IMP4: variants seen among roughly 807,000 people sequenced by gnomAD.
IMP4 encodes U3 small nucleolar ribonucleoprotein IMP4.
IMP4 carries 30 observed loss-of-function variants against 42.7 expected under a neutral mutation model. The ratio of observed to expected loss-of-function variants is 0.70; its 90% CI spans 0.53 to 0.95. The LOEUF is 0.95. IMP4 is among the 40% of genes least tolerant of loss of function. The pLI, the probability that IMP4 is intolerant of heterozygous loss-of-function variation, is 0.00. For synonymous variants in IMP4, 165 were observed against 165.2 expected (o/e 1.00, Z 0.01); for missense variants, 382 against 411.4 (o/e 0.93, Z 0.62).
intron 2 of IMP4, among the ~76,000 whole-genome samples, chr2:130,344,221 G>A (rs924694751): frequency 1.8e-4 from 27 of 151,896 alleles, no homozygotes; most frequent in African/African-American, 6.0e-4. Flanking sequence ...CCAGCTACTC[G>A]CCAGCCTGAG....
intron 2 of IMP4, among the ~76,000 whole-genome samples, chr2:130,343,861 C>T (rs1169320153): frequency 1.3e-5 from 2 of 152,226 alleles, no homozygotes; most frequent in Admixed American, 6.5e-5. Context: ...GTGCTGGCCC[C>T]GAGTGCGCAC....
chr2:130,344,834 C>T, intron 3 of IMP4, 122 bp downstream of exon 3: 1 of 720,776 alleles, frequency 1.4e-6, no homozygotes. Context: ...ATGCCCTTGT[C>T]ACTGCACAGA....
chr2:130,343,738 CA>C (rs1228648066), intron 2 of IMP4, among the ~76,000 whole-genome samples: 1,235 of 81,146 alleles, frequency 0.015, 6 homozygotes, highest in African/African-American at 0.036. Flanking sequence ...GACTCCGTCT[CA>C]AAAAAAAAAA....
chr2:130,345,725 G>A lies in IMP4; in HGVS notation c.439+26G>A, dbSNP rs369285648. 8.4e-5 allele frequency: 135 copies of A among 1,612,616 alleles called. 1 individual carries two copies. The highest frequency in any genetic ancestry group is 1.6e-4 in the Middle Eastern group (1 of 6,082). On this transcript the variant is annotated intron_variant, in intron 5 of 8. Transcript: ENST00000259239. This position sits in a 1 kb window ranked among gnomAD's most constrained non-coding sequence, Gnocchi z 4.9. ...GTAAGGCCGGAGGGAGGGAGTCGGG[G>A]TGGGAGCCGTCTGAGGGCAGACGGG...
At chr2:130,344,795 A>G in intron 3 of IMP4, 83 bp downstream of exon 3, 1 of 916,610 alleles carries the variant, frequency 1.1e-6, no homozygotes, top group Non-Finnish European at 1.8e-6. Flanking sequence ...CCATCCCATC[A>G]GAGGAAACTG....
Position 130,345,419 on chromosome 2 carries a change from CGAG to C in IMP4, c.243_245del (p.Glu81del). On this transcript the variant is annotated inframe_deletion, in exon 4 of 9. Transcript: ENST00000259239. This position sits in a 1 kb window ranked among gnomAD's most constrained non-coding sequence, Gnocchi z 4.9. ...ATGATGAATACCGATGGGCAGGAGT[CGAG>C]GATCCCAAGGTTATGATCACTACCT... 6.2e-7 allele frequency: 1 copy of C among 1,614,038 alleles called. No homozygotes were observed.
chr2:130,344,365 G>C (rs1006559856), intron 2 of IMP4, among the ~76,000 whole-genome samples: 5 of 152,072 alleles, frequency 3.3e-5, no homozygotes, highest in Non-Finnish European at 4.4e-5. Flanking sequence ...ATTTCTACCT[G>C]ATTATAAAAG....
At chr2:130,343,388 T>G in intron 2 of IMP4, 194 bp downstream of exon 2, 1 of 713,476 alleles carries the variant, frequency 1.4e-6, no homozygotes, top group Non-Finnish European at 2.6e-6. Flanking sequence ...ACCCGGGTTT[T>G]GCAGCTTGCC....
rs1679164472 is a variant in IMP4 at position 130,343,127 on chromosome 2, C to G, written c.45C>G (p.Arg15=). 6.4e-7 allele frequency: 1 copy of G among 1,554,998 alleles called. No individual in the cohort carries two copies. Among genetic ancestry groups the G allele is most frequent in the Non-Finnish European group, 8.7e-7 (1 of 1,148,348 alleles). Residue 15 remains arginine, a synonymous_variant, in exon 2 of 9, where the codon CGC becomes CGG. Transcript: ENST00000259239. ...GCCTGCGCCGCGAGTACCTGTACCG[C>G]AAGGCCCGGGAGGAGGCGCAGCGCT... ...EARLRREYLY[R]KAREEAQRSA... is the part of the protein sequence containing the mutation.
In IMP4 at chr2:130,346,030, C is replaced by T. The variant is rs1454856562; in HGVS notation, c.607C>T (p.Leu203Phe). The T allele has an allele frequency of 7.4e-6, 12 of 1,614,216 alleles. No individual in the cohort carries two copies. The highest frequency in any genetic ancestry group is 1.0e-5 in the Non-Finnish European group (12 of 1,180,024). The change falls in exon 7 of 9, where the codon CTC (leucine) becomes TTC (phenylalanine). Residue 203 changes from leucine to phenylalanine, a missense_variant. By Grantham distance (22) the Leu-to-Phe change is conservative. Transcript: ENST00000259239. ...CCTTGTGCCCCAGGTCTCTGACATC[C>T]TCCGATACCTATTTCCCGTGCCCAA... ...SRLGKRVSDI[L>F]RYLFPVPKDD...
At position 130,346,754 on chromosome 2, in the gene IMP4, T is replaced by G. The variant is rs145790801; in HGVS notation, c.*286T>G. The stretch of plus-strand genomic sequence containing the variant: ...GTGTGGGGGTTAACAGAGAGAGAGA[T>G]TTGATGCTAACGTCCCCTCAAGAGT... On this transcript the variant is annotated 3_prime_UTR_variant, in exon 9 of 9. Coordinates refer to ENST00000259239, the MANE Select transcript of IMP4 (RefSeq NM_033416.3). The G allele has an allele frequency of 2.6e-5, 13 of 494,038 alleles. No individual in the cohort carries two copies. The East Asian group carries it at 4.4e-4, about 17-fold the overall frequency. 30.6% of individuals were successfully genotyped at this position (494,038 alleles called of 1,614,324 possible). A position where few individuals can be genotyped will look rare whatever the true frequency, so the allele number is the denominator to read the frequency against.
chr2:130,345,974 C>T lies in IMP4; in HGVS notation c.594+41C>T. The T allele has an allele frequency of 1.2e-6, 2 of 1,614,162 alleles. No homozygotes were observed. The highest frequency in any genetic ancestry group is 1.7e-6 in the Non-Finnish European group (2 of 1,179,996). On this transcript the variant is annotated intron_variant, in intron 6 of 8. Coordinates refer to ENST00000259239, the MANE Select transcript of IMP4 (RefSeq NM_033416.3). This position sits in a 1 kb window ranked among gnomAD's most constrained non-coding sequence, Gnocchi z 4.9. Reference sequence around the variant, plus strand: ...TTCAGGCTGGGGCTGCGGGCCAGGCCAGGCATTTGCCACTCTGTTTCCCTC... The same window carrying T: ...TTCAGGCTGGGGCTGCGGGCCAGGCTAGGCATTTGCCACTCTGTTTCCCTC...
Position 130,346,127 on chromosome 2 carries a change from C to T in IMP4, c.689+15C>T. 1 of 1,613,354 alleles carries T rather than the reference C, an allele frequency of 6.2e-7. No homozygotes were observed. Among genetic ancestry groups the T allele is most frequent in the Non-Finnish European group, 8.5e-7 (1 of 1,179,266 alleles). ...ATATCATTCCGGTGGGTCCACGGGC[C>T]ATGCCCCAGGAAAGCATCCCCACCC... On this transcript the variant is annotated intron_variant, in intron 7 of 8. Transcript: ENST00000259239.
At position 130,342,911 on chromosome 2, in the gene IMP4, C is replaced by G; in HGVS notation, c.-22C>G. 1.2e-6 allele frequency: 2 copies of G among 1,614,020 alleles called. No homozygotes were observed. Among genetic ancestry groups the G allele is most frequent in the Non-Finnish European group, 1.7e-6 (2 of 1,179,876 alleles). On this transcript the variant is annotated 5_prime_UTR_variant, in exon 1 of 9. Coordinates refer to ENST00000259239, the MANE Select transcript of IMP4 (RefSeq NM_033416.3). The stretch of plus-strand genomic sequence containing the variant: ...GAGGAGCCCACAGATTCTCCCGGAC[C>G]CACGTGGAAGCGGCACTCAAGATGG...
chr2:130,345,863 A>G lies in IMP4; in HGVS notation c.524A>G (p.Asp175Gly), dbSNP rs1573842849. The change falls in exon 6 of 9, where the codon GAC (aspartate) becomes GGC (glycine). Residue 175 changes from aspartate (D) to glycine (G), a missense_variant. Transcript: ENST00000259239. The surrounding 1 kb of genome is among the most constrained non-coding windows in gnomAD (Gnocchi z 4.9). ...CNVVMRHDIPDLGTMSEAKPH... is the reference protein window; with the variant it reads ...CNVVMRHDIPGLGTMSEAKPH... ...GTGGTCATGCGGCATGACATCCCAG[A>G]CCTGGGCACCATGTCGGAGGCCAAG... 1.9e-6 allele frequency: 3 copies of G among 1,614,086 alleles called. No homozygotes were observed. The South Asian group carries it at 3.3e-5, about 18-fold the overall frequency.
At chr2:130,343,482 A>G (rs1463869857) in intron 2 of IMP4, 3 of 563,624 alleles carry the variant, frequency 5.3e-6, no homozygotes, top group Non-Finnish European at 1.0e-5. Context: ...GCGGTGGCTC[A>G]CTGCTGTAAT....
Position 130,343,158 on chromosome 2 carries a change from C to G in IMP4, c.76C>G (p.Gln26Glu). ...CCGGGAGGAGGCGCAGCGCTCAGCCCAGGAGAGGAAGGAGCGGCTGCGGCG... is the reference window on the plus strand; with the variant it reads ...CCGGGAGGAGGCGCAGCGCTCAGCCGAGGAGAGGAAGGAGCGGCTGCGGCG... ...KAREEAQRSA[Q>E]ERKERLRRAL... is the part of the protein sequence containing the mutation. Residue 26 changes from glutamine (Q) to glutamate (E), a missense_variant, in exon 2 of 9, where the codon CAG (glutamine) becomes GAG (glutamate). Coordinates refer to ENST00000259239, the MANE Select transcript of IMP4 (RefSeq NM_033416.3). 1 of 1,551,106 alleles carries G rather than the reference C, an allele frequency of 6.4e-7. No homozygotes were observed. The highest frequency in any genetic ancestry group is 8.7e-7 in the Non-Finnish European group (1 of 1,146,616).
At position 130,343,139 on chromosome 2, in the gene IMP4, G is replaced by C; in HGVS notation, c.57G>C (p.Glu19Asp). 1 of 1,552,108 alleles carries C rather than the reference G, an allele frequency of 6.4e-7. No individual in the cohort carries two copies. The highest frequency in any genetic ancestry group is 8.7e-7 in the Non-Finnish European group (1 of 1,146,792). ...RREYLYRKAR[E>D]EAQRSAQERK... ...AGTACCTGTACCGCAAGGCCCGGGAGGAGGCGCAGCGCTCAGCCCAGGAGA... is the reference window on the plus strand; with the variant it reads ...AGTACCTGTACCGCAAGGCCCGGGACGAGGCGCAGCGCTCAGCCCAGGAGA... The change falls in exon 2 of 9, where the codon GAG (glutamate) becomes GAC (aspartate). Residue 19 changes from glutamate (E) to aspartate (D), a missense_variant. By Grantham distance (45) the Glu-to-Asp change is conservative. Coordinates refer to ENST00000259239, the MANE Select transcript of IMP4 (RefSeq NM_033416.3).
At chr2:130,344,079 A>G (rs1679307731) in intron 2 of IMP4, among the ~76,000 whole-genome samples, 1 of 152,252 alleles carries the variant, frequency 6.6e-6, no homozygotes, top group Admixed American at 6.5e-5. Context: ...CTGTAATCCC[A>G]GCACTTTGGG....
Sources: gnomAD v4.1 joint callset for allele counts (sites outside exome capture counted in the v4.1 genomes callset) on GRCh38, gnomAD v4.1.1 for gene constraint, Gnocchi (gnomAD v3.1) non-coding constraint, MANE v1.5 for transcripts, NCBI Gene and HGNC (gene_info 2026-07-23, HGNC 2026-07-21) for gene names.